The following COL4A1 variants were observed in gnomAD, a reference collection of about 807,000 sequenced individuals.
COL4A1 encodes the protein collagen type IV alpha 1 chain, also known as collagen alpha-1(IV) chain.
A neutral mutation model predicts 216.6 loss-of-function variants in COL4A1; 40 were observed. That is an observed-to-expected ratio of 0.18 (90% CI 0.14 to 0.24). COL4A1 has a LOEUF of 0.24. Among genes scored for constraint, COL4A1 ranks in the 10% least tolerant of loss-of-function variants. The pLI is 1.00. For synonymous variants in COL4A1, 839 were observed against 810.7 expected, an observed-to-expected ratio of 1.03 and a Z score of -0.59; for missense variants, 1,628 against 2,196.8, an observed-to-expected ratio of 0.74 and a Z score of 5.18.
chr13:110,183,918 CT>C (rs1195642902), intron 26 of COL4A1, among the ~76,000 whole-genome samples: 5 of 151,986 alleles, frequency 3.3e-5, no homozygotes, highest in Non-Finnish European at 7.4e-5. Flanking sequence ...GGACCAAAGG[CT>C]TCCCCTCCAA....
At chr13:110,204,174 C>A (rs941075648) in intron 17 of COL4A1, among the ~76,000 whole-genome samples, 1 of 152,008 alleles carries the variant, frequency 6.6e-6, no homozygotes, top group Admixed American at 6.6e-5. Context: ...AGAAATTAAC[C>A]CTTTCATATC....
chr13:110,217,054 A>G (rs912036865), intron 2 of COL4A1, among the ~76,000 whole-genome samples: 2 of 152,212 alleles, frequency 1.3e-5, no homozygotes, highest in African/African-American at 4.8e-5. Flanking sequence ...GGTTCTTGCC[A>G]TTCCCCACAT....
At chr13:110,243,907 C>T (rs576235238) in intron 1 of COL4A1, among the ~76,000 whole-genome samples, 1 of 152,298 alleles carries the variant, frequency 6.6e-6, no homozygotes, top group South Asian at 2.1e-4. Context: ...ATTGTCATCA[C>T]ATGAAAAGAT....
chr13:110,191,618 CG>C, intron 24 of COL4A1: 1 of 683,504 alleles, frequency 1.5e-6, no homozygotes, highest in South Asian at 1.6e-5. Flanking sequence ...CAATGTGATC[CG>C]GATATTTCAT....
At chr13:110,270,905 G>A (rs1178330982) in intron 1 of COL4A1, among the ~76,000 whole-genome samples, 2 of 152,198 alleles carry the variant, frequency 1.3e-5, no homozygotes, top group African/African-American at 2.4e-5. Flanking sequence ...GATTTCAGGG[G>A]TGGGGCAGGG....
In COL4A1 at chr13:110,178,101, A is replaced by G; in HGVS notation, c.2589T>C (p.Pro863=). ...GAATCCCAGGAGCCCCCTGCTGTCCAGGAAGGCCAGGGAGCCCCGACTGTC... is the reference window on the plus strand; with the variant it reads ...GAATCCCAGGAGCCCCCTGCTGTCCGGGAAGGCCAGGGAGCCCCGACTGTC... ...ITGQSGLPGL[P]GQQGAPGIPG... The change falls in exon 32 of 52, where the codon CCT becomes CCC. Residue 863 remains proline (P), a synonymous_variant. Coordinates refer to ENST00000375820, the MANE Select transcript of COL4A1 (RefSeq NM_001845.6). 1 of 1,614,180 alleles carries G rather than the reference A, an allele frequency of 6.2e-7. No homozygotes were observed.
At chr13:110,225,258 A>C (rs1880685116) in intron 2 of COL4A1, among the ~76,000 whole-genome samples, 1 of 152,154 alleles carries the variant, frequency 6.6e-6, no homozygotes, top group African/African-American at 2.4e-5. Flanking sequence ...AGCACTTCGA[A>C]CAGATGGCAC....
At chr13:110,250,873 A>G (rs1463146364) in intron 1 of COL4A1, among the ~76,000 whole-genome samples, 1 of 152,204 alleles carries the variant, frequency 6.6e-6, no homozygotes, top group Non-Finnish European at 1.5e-5. Context: ...CTCCAGGCAA[A>G]TATGTAGACT....
intron 1 of COL4A1, among the ~76,000 whole-genome samples, chr13:110,270,191 G>A (rs680860): frequency 0.28 from 42,812 of 152,110 alleles, 6,672 homozygotes; most frequent in African/African-American, 0.43. Context: ...TAACAGGAAA[G>A]TTCATCTACC....
chr13:110,178,875 GA>G (rs1878011067), intron 31 of COL4A1, 47 bp downstream of exon 31: 1 of 1,451,658 alleles, frequency 6.9e-7, no homozygotes, highest in African/African-American at 1.4e-5. Flanking sequence ...CCATGCTTCA[GA>G]AAAGCATGCT....
intron 1 of COL4A1, among the ~76,000 whole-genome samples, chr13:110,258,475 G>A (rs1882675159): frequency 6.6e-6 from 1 of 152,172 alleles, no homozygotes; most frequent in East Asian, 1.9e-4. Flanking sequence ...AGGAGCCAGA[G>A]GTTGCAGTGA....
At chr13:110,259,091 G>A (rs530542840) in intron 1 of COL4A1, among the ~76,000 whole-genome samples, 2 of 152,330 alleles carry the variant, frequency 1.3e-5, no homozygotes, top group Non-Finnish European at 2.9e-5. Flanking sequence ...CATTTCTGAC[G>A]CGTGCGCCCT....
intron 2 of COL4A1, among the ~76,000 whole-genome samples, chr13:110,229,273 A>G (rs189881268): frequency 1.3e-5 from 2 of 152,348 alleles, no homozygotes; most frequent in Non-Finnish European, 2.9e-5. Flanking sequence ...AAGGCCAGTA[A>G]CAGTAGAGTG....
intron 1 of COL4A1, among the ~76,000 whole-genome samples, chr13:110,262,714 G>A (rs1018484994): frequency 3.3e-5 from 5 of 152,188 alleles, no homozygotes; most frequent in African/African-American, 1.2e-4. Flanking sequence ...AGGGAAACAC[G>A]CATCTCCTGA....
chr13:110,175,467 C>G, intron 36 of COL4A1, 110 bp from the exon 37 acceptor site: 1 of 1,540,900 alleles, frequency 6.5e-7, no homozygotes, highest in Non-Finnish European at 8.8e-7. Flanking sequence ...ACGTGAATCC[C>G]CCACAACCAG....
chr13:110,187,103 T>TA, intron 25 of COL4A1, 35 bp downstream of exon 25: 1 of 1,612,282 alleles, frequency 6.2e-7, no homozygotes, highest in Non-Finnish European at 8.5e-7. Flanking sequence ...ATCCACACTG[T>TA]AAAATGCACA....
Position 110,211,942 on chromosome 13 carries a change from T to A in COL4A1, c.388-20A>T, listed in dbSNP as rs752821570. 1 of 1,613,512 alleles carries A rather than the reference T, an allele frequency of 6.2e-7. No homozygotes were observed. Among genetic ancestry groups the A allele is most frequent in the East Asian group, 2.2e-5 (1 of 44,876 alleles). ...CTCCCCCTGGGGAGACAGCAGAGCA[T>A]CATTCATACGCACTGTGTGTGGCAG... On this transcript the variant is annotated intron_variant, in intron 6 of 51. Transcript: ENST00000375820. The surrounding 1 kb of genome is among the most constrained non-coding windows in gnomAD (Gnocchi z 4.3).
intron 6 of COL4A1, 138 bp downstream of exon 6, chr13:110,212,279 A>C (rs1879841824): frequency 9.5e-7 from 1 of 1,052,980 alleles, no homozygotes; most frequent in African/African-American, 1.6e-5. Flanking sequence ...TCCTTACTAA[A>C]TAAAGCAAAC....
chr13:110,186,488 A>T lies in COL4A1; in HGVS notation c.1794T>A (p.Gly598=), dbSNP rs2139173326. Reference sequence around the variant, plus strand: ...CTGGAGGCCCAGGGGGGCCGGTGTCACCACGACTGCCTGGGAATCCAACTC... The same window carrying T: ...CTGGAGGCCCAGGGGGGCCGGTGTCTCCACGACTGCCTGGGAATCCAACTC... ...PGGVGFPGSR[G]DTGPPGPPGY... is the part of the protein sequence containing the mutation. Residue 598 remains glycine, a synonymous_variant, in exon 26 of 52, where the codon GGT becomes GGA. Coordinates refer to ENST00000375820, the MANE Select transcript of COL4A1 (RefSeq NM_001845.6). The T allele has an allele frequency of 6.2e-7, 1 of 1,613,840 alleles. No homozygotes were observed. The highest frequency in any genetic ancestry group is 2.2e-5 in the East Asian group (1 of 44,870).
Sources: gnomAD v4.1 joint callset for allele counts (sites outside exome capture counted in the v4.1 genomes callset) on GRCh38, gnomAD v4.1.1 for gene constraint, Gnocchi (gnomAD v3.1) non-coding constraint, MANE v1.5 for transcripts, NCBI Gene and HGNC (gene_info 2026-07-23, HGNC 2026-07-21) for gene names.